CDH8: variants seen among roughly 807,000 people sequenced by gnomAD.
CDH8 encodes the protein cadherin 8, also known as cadherin-8.
Under a neutral mutation model 68.1 loss-of-function variants are expected in CDH8, and 17 were observed. That is an observed-to-expected ratio of 0.25 (90% CI 0.17 to 0.37). CDH8 has a LOEUF of 0.37. Among genes scored for constraint, CDH8 ranks in the 10% least tolerant of loss-of-function variants. CDH8 has a pLI of 1.00. For synonymous variants in CDH8, 372 were observed against 365.1 expected (o/e 1.02, Z -0.21); for missense variants, 763 against 999.3 (o/e 0.76, Z 3.19).
At chr16:61,800,629 C>A (rs919060248) in intron 7 of CDH8, among the ~76,000 whole-genome samples, 1 of 152,184 alleles carries the variant, frequency 6.6e-6, no homozygotes, top group Non-Finnish European at 1.5e-5. Flanking sequence ...GATTTGTCCC[C>A]TATTGCCTGT....
At chr16:61,847,721 G>C (rs957424016) in intron 4 of CDH8, among the ~76,000 whole-genome samples, 4 of 151,658 alleles carry the variant, frequency 2.6e-5, no homozygotes, top group Non-Finnish European at 5.9e-5. Flanking sequence ...TTGAGCACTG[G>C]AGATTTCTGA....
intron 2 of CDH8, chr16:61,918,562 C>T (rs1223341623): frequency 6.5e-6 from 1 of 152,902 alleles, no homozygotes; most frequent in Non-Finnish European, 1.5e-5. Context: ...ACAGACGGCA[C>T]CTGGAAAATC....
intron 7 of CDH8, among the ~76,000 whole-genome samples, chr16:61,801,262 C>G (rs1346714971): frequency 1.3e-5 from 2 of 152,148 alleles, no homozygotes; most frequent in Non-Finnish European, 2.9e-5. Context: ...ATAGCCAGGT[C>G]TAGTATACCA....
intron 2 of CDH8, among the ~76,000 whole-genome samples, chr16:61,905,634 C>A (rs926838736): frequency 6.6e-6 from 1 of 151,978 alleles, no homozygotes; most frequent in Admixed American, 6.6e-5. Flanking sequence ...AACTTAATGG[C>A]ACAAATTTTG....
At chr16:61,706,355 C>T (rs11648773) in intron 10 of CDH8, among the ~76,000 whole-genome samples, 18,606 of 152,074 alleles carry the variant, frequency 0.12, 1,148 homozygotes, top group African/African-American at 0.14. Context: ...CGGTGGCTCA[C>T]GCCTGTAATC....
intron 10 of CDH8, among the ~76,000 whole-genome samples, chr16:61,678,282 AT>A (rs1440792097): frequency 6.6e-6 from 1 of 151,950 alleles, no homozygotes. Context: ...TGTTCTCAGA[AT>A]CTCCTGAGGG....
At chr16:62,011,999 A>G (rs966221065) in intron 2 of CDH8, among the ~76,000 whole-genome samples, 1 of 152,242 alleles carries the variant, frequency 6.6e-6, no homozygotes, top group Non-Finnish European at 1.5e-5. Flanking sequence ...GGATGACCAA[A>G]TTAGGCCAAG....
chr16:61,755,358 G>A (rs948040455), intron 8 of CDH8, among the ~76,000 whole-genome samples: 2 of 152,038 alleles, frequency 1.3e-5, no homozygotes, highest in Non-Finnish European at 2.9e-5. Flanking sequence ...TGTATATATA[G>A]TATACATTTA....
chr16:61,868,022 G>C (rs185447262), intron 3 of CDH8, among the ~76,000 whole-genome samples: 57 of 152,176 alleles, frequency 3.7e-4, no homozygotes, highest in African/African-American at 1.2e-3. Context: ...TTATAAGCAT[G>C]AATCTACATT....
intron 2 of CDH8, among the ~76,000 whole-genome samples, chr16:61,954,716 A>AG (rs1426776684): frequency 6.6e-6 from 1 of 150,566 alleles, no homozygotes; most frequent in Non-Finnish European, 1.5e-5. Flanking sequence ...AAAAAAAAAA[A>AG]AGAAAGAAAG....
intron 2 of CDH8, among the ~76,000 whole-genome samples, chr16:61,920,100 A>G (rs1418725641): frequency 1.4e-5 from 2 of 146,824 alleles, no homozygotes; most frequent in African/African-American, 5.1e-5. Flanking sequence ...ACAAAAATCA[A>G]TTCAAGATGG....
chr16:61,968,363 C>T (rs771393810), intron 2 of CDH8, among the ~76,000 whole-genome samples: 5 of 152,102 alleles, frequency 3.3e-5, no homozygotes, highest in Non-Finnish European at 7.4e-5. Context: ...AATCTTACAG[C>T]TTAGGTAATT....
intron 10 of CDH8, among the ~76,000 whole-genome samples, chr16:61,688,535 A>C (rs556376489): frequency 6.6e-6 from 1 of 152,024 alleles, no homozygotes; most frequent in East Asian, 1.9e-4. Context: ...AAATGTACTT[A>C]CTGTCTACAA....
At chr16:61,885,877 T>C (rs973977124) in intron 3 of CDH8, among the ~76,000 whole-genome samples, 1 of 152,158 alleles carries the variant, frequency 6.6e-6, no homozygotes, top group Non-Finnish European at 1.5e-5. Flanking sequence ...GAACAAAGCA[T>C]GGAAGACTGT....
intron 8 of CDH8, among the ~76,000 whole-genome samples, chr16:61,739,915 A>T (rs199586360): frequency 7.3e-5 from 8 of 109,552 alleles, no homozygotes; most frequent in African/African-American, 2.6e-4. Flanking sequence ...ATATATATGT[A>T]TTTTTTTTTT....
intron 8 of CDH8, among the ~76,000 whole-genome samples, chr16:61,780,548 T>A (rs979285739): frequency 2.0e-5 from 3 of 152,242 alleles, no homozygotes; most frequent in Admixed American, 1.3e-4. Context: ...ATTCTGAGAG[T>A]CATTTTAAAT....
At chr16:61,742,782 T>C (rs912643503) in intron 8 of CDH8, among the ~76,000 whole-genome samples, 2 of 152,166 alleles carry the variant, frequency 1.3e-5, no homozygotes, top group East Asian at 1.9e-4. Flanking sequence ...AAAATTCTCA[T>C]CAGGTTTTAG....
intron 10 of CDH8, among the ~76,000 whole-genome samples, chr16:61,701,728 G>T (rs1964431404): frequency 1.3e-5 from 2 of 152,156 alleles, no homozygotes; most frequent in African/African-American, 2.4e-5. Flanking sequence ...TATGGTTGAT[G>T]TGCAATTTTT....
intron 2 of CDH8, among the ~76,000 whole-genome samples, chr16:61,952,536 T>C (rs1324802755): frequency 6.6e-6 from 1 of 152,070 alleles, no homozygotes; most frequent in African/African-American, 2.4e-5. Context: ...GTTGCTGAAA[T>C]GGCAGAGGAG....
Sources: gnomAD v4.1 joint callset for allele counts (sites outside exome capture counted in the v4.1 genomes callset) on GRCh38, gnomAD v4.1.1 for gene constraint, MANE v1.5 for transcripts, NCBI Gene and HGNC (gene_info 2026-07-23, HGNC 2026-07-21) for gene names.